The following SGK1 variants were observed in gnomAD, a reference collection of about 807,000 sequenced individuals.
The protein encoded by SGK1 is serine/threonine-protein kinase Sgk1.
In SGK1, 26 loss-of-function variants were observed where a neutral mutation model predicts 64.2. The observed-to-expected ratio is 0.40, with a 90% CI of 0.30 to 0.56. SGK1 has a LOEUF of 0.56. Among genes scored for constraint, SGK1 ranks in the 20% least tolerant of loss-of-function variants. SGK1 has a pLI of 0.38. For missense variants in SGK1, 519 were observed against 645.6 expected, an observed-to-expected ratio of 0.80 and a Z score of 2.12; for synonymous variants, 265 against 239.7, an observed-to-expected ratio of 1.11 and a Z score of -0.98.
At position 134,258,762 on chromosome 6, in the gene SGK1, G is replaced by A. The variant is rs115211443; in HGVS notation, c.285+3171C>T. Among the ~76,000 whole-genome samples, 1,138 of 152,146 alleles carry A rather than the reference G, an allele frequency of 7.5e-3. 14 individuals are homozygous for A. The highest frequency in any genetic ancestry group is 0.026 in the African/African-American group (1,069 of 41,490). ...AGGCCTGTAATCCGAACACCCAAGC[G>A]GGGGCAGATCTCTTGAACCCAGAAG... On this transcript the variant is annotated intron_variant, in intron 2 of 13. Transcript: ENST00000367858.
intron 1 of SGK1, among the ~76,000 whole-genome samples, chr6:134,269,260 G>A (rs1394676012): frequency 1.4e-5 from 2 of 144,398 alleles, no homozygotes; most frequent in African/African-American, 5.0e-5. Context: ...GTTGCCTTCT[G>A]TAATTTCCAA....
rs922700371 is a variant in SGK1, at chr6:134,209,225, G to C, written c.286-1794C>G. ...GAGGCGGGCGGATCAGCTGAGGTCA[G>C]GAGTTCGAGACCAACCTGGCCAACA... On this transcript the variant is annotated intron_variant, in intron 2 of 13. Transcript: ENST00000367858. Among the ~76,000 whole-genome samples, 12 of 152,240 alleles carry C rather than the reference G, an allele frequency of 7.9e-5. No individual in the cohort carries two copies. In the East Asian group the frequency reaches 2.1e-3, roughly 27 times the overall value.
At chr6:134,314,334 T>C (rs1777646796) in intron 1 of SGK1, among the ~76,000 whole-genome samples, 1 of 151,764 alleles carries the variant, frequency 6.6e-6, no homozygotes, top group Non-Finnish European at 1.5e-5. Context: ...GGCATAAAGA[T>C]TTCACTTGGT....
At chr6:134,219,960 G>C (rs1309707854) in intron 2 of SGK1, among the ~76,000 whole-genome samples, 3 of 143,820 alleles carry the variant, frequency 2.1e-5, no homozygotes, top group South Asian at 2.2e-4. Context: ...TTGGGAGGCT[G>C]AGGCAGGAGA....
chr6:134,206,360 TATATATATATATATATATA>T (rs1775774698), intron 3 of SGK1, among the ~76,000 whole-genome samples: 7 of 7,352 alleles, frequency 9.5e-4, no homozygotes, highest in South Asian at 4.3e-3. Context: ...TATATATATA[TATATATATATATATATATA>T]TATATTTTTT....
intron 1 of SGK1, among the ~76,000 whole-genome samples, chr6:134,286,426 A>G (rs1777184420): frequency 6.6e-6 from 1 of 151,960 alleles, no homozygotes; most frequent in Non-Finnish European, 1.5e-5. Flanking sequence ...ACTGCACTCC[A>G]GCGTGGGTGA....
At chr6:134,200,935 C>T (rs1775670358) in intron 3 of SGK1, among the ~76,000 whole-genome samples, 1 of 151,776 alleles carries the variant, frequency 6.6e-6, no homozygotes, top group Admixed American at 6.6e-5. Flanking sequence ...TTACACACTA[C>T]ATTAAATAAA....
intron 1 of SGK1, among the ~76,000 whole-genome samples, chr6:134,289,092 T>C (rs9373089): frequency 0.067 from 10,129 of 152,266 alleles, 452 homozygotes; most frequent in Non-Finnish European, 0.093. Flanking sequence ...GTTTTGGAAA[T>C]AGAGAAACCT....
chr6:134,197,045 C>T (rs1181901420), intron 3 of SGK1, among the ~76,000 whole-genome samples: 1 of 152,066 alleles, frequency 6.6e-6, no homozygotes, highest in Non-Finnish European at 1.5e-5. Flanking sequence ...CCAGCCTGGA[C>T]AACATGGTGA....
intron 2 of SGK1, among the ~76,000 whole-genome samples, chr6:134,259,477 T>TAA (rs35942047): frequency 1.5e-5 from 2 of 135,602 alleles, no homozygotes; most frequent in Non-Finnish European, 3.2e-5. Flanking sequence ...CCATCTCTAC[T>TAA]AAAAAAAAAA....
intron 3 of SGK1, among the ~76,000 whole-genome samples, chr6:134,181,100 A>G (rs1043127147): frequency 9.9e-5 from 15 of 152,186 alleles, no homozygotes; most frequent in African/African-American, 2.9e-4. Context: ...CTACGTGGGC[A>G]TCTACTTCCC....
chr6:134,241,177 G>T (rs533710008), intron 2 of SGK1, among the ~76,000 whole-genome samples: 109 of 150,898 alleles, frequency 7.2e-4, no homozygotes, highest in African/African-American at 2.5e-3. Flanking sequence ...AGCCTCCTGA[G>T]TAGCTGGGAC....
At chr6:134,313,322 T>C (rs1004841539) in intron 1 of SGK1, among the ~76,000 whole-genome samples, 1 of 152,036 alleles carries the variant, frequency 6.6e-6, no homozygotes, top group Non-Finnish European at 1.5e-5. Flanking sequence ...CAGGGCAACA[T>C]AGTGAGACCT....
At chr6:134,203,355 A>G (rs1459470426) in intron 3 of SGK1, among the ~76,000 whole-genome samples, 1 of 152,268 alleles carries the variant, frequency 6.6e-6, no homozygotes, top group Admixed American at 6.5e-5. Flanking sequence ...ATTAAATTCT[A>G]AAACCTATTC....
At chr6:134,206,366 T>A in intron 3 of SGK1, among the ~76,000 whole-genome samples, 1 of 8,524 alleles carries the variant, frequency 1.2e-4, no homozygotes, top group African/African-American at 3.5e-4. Flanking sequence ...TATATATATA[T>A]ATATATATAT....
chr6:134,257,243 A>T (rs999686361), intron 2 of SGK1: 1 of 152,332 alleles, frequency 6.6e-6, no homozygotes, highest in African/African-American at 2.4e-5. Flanking sequence ...CCTGACCAAC[A>T]TGGAGAAACC....
At chr6:134,229,112 T>C (rs1419726910) in intron 2 of SGK1, among the ~76,000 whole-genome samples, 2 of 152,358 alleles carry the variant, frequency 1.3e-5, no homozygotes, top group Admixed American at 6.5e-5. Context: ...ATTACAGGCG[T>C]GAGCCACCGC....
At chr6:134,246,887 G>A (rs558355022) in intron 2 of SGK1, among the ~76,000 whole-genome samples, 12 of 152,204 alleles carry the variant, frequency 7.9e-5, no homozygotes, top group African/African-American at 2.6e-4. Flanking sequence ...GGCCAAGTTC[G>A]TATTATGATT....
chr6:134,313,153 G>C (rs1777630884), intron 1 of SGK1, among the ~76,000 whole-genome samples: 1 of 152,238 alleles, frequency 6.6e-6, no homozygotes, highest in African/African-American at 2.4e-5. Context: ...TTAAGTCATA[G>C]TTATTAGAAA....
Sources: gnomAD v4.1 joint callset for allele counts (sites outside exome capture counted in the v4.1 genomes callset) on GRCh38, gnomAD v4.1.1 for gene constraint, MANE v1.5 for transcripts, NCBI Gene and HGNC (gene_info 2026-07-23, HGNC 2026-07-21) for gene names.